The following KCNH1 variants were observed in gnomAD, a reference collection of about 807,000 sequenced individuals.
KCNH1 encodes voltage-gated delayed rectifier potassium channel KCNH1.
A neutral mutation model predicts 69.2 loss-of-function variants in KCNH1; 27 were observed. The ratio of observed to expected loss-of-function variants is 0.39; its 90% confidence interval spans 0.29 to 0.54. The LOEUF is 0.54. Ranked by LOEUF, KCNH1 falls within the 20% of genes least tolerant of loss-of-function variation. The pLI, the probability that KCNH1 is intolerant of heterozygous loss-of-function variation, is 0.68. For synonymous variants in KCNH1, 456 were observed against 487.7 expected (o/e 0.93, Z 0.86); for missense variants, 798 against 1,261.6 (o/e 0.63, Z 5.57).
At chr1:211,090,415 A>C in intron 4 of KCNH1, 147 bp downstream of exon 4, 1 of 639,292 alleles carries the variant, frequency 1.6e-6, no homozygotes, top group South Asian at 2.7e-5. Flanking sequence ...ACTCCAGAAT[A>C]ACACAGTGCT....
intron 7 of KCNH1, among the ~76,000 whole-genome samples, chr1:210,850,741 T>C (rs988433662): frequency 6.6e-6 from 1 of 152,166 alleles, no homozygotes; most frequent in Non-Finnish European, 1.5e-5. Context: ...ACAATGCCAC[T>C]CTAACATCAT....
At position 210,934,657 on chromosome 1, in the gene KCNH1, G is replaced by A. The variant is rs563160677; in HGVS notation, c.1033-14588C>T. Among the ~76,000 whole-genome samples, 6 of 151,922 alleles carry A rather than the reference G, an allele frequency of 3.9e-5. No individual in the cohort carries two copies. In the South Asian group the frequency reaches 1.2e-3, roughly 32 times the overall value. ...CCGTCTCAAAAAAAAAAAATTGGCA[G>A]ATGATCTGAAAGGTATATGAAAAAA... On this transcript the variant is annotated intron_variant, in intron 6 of 10. Coordinates refer to ENST00000271751, the MANE Select transcript of KCNH1 (RefSeq NM_172362.3).
intron 10 of KCNH1, among the ~76,000 whole-genome samples, chr1:210,729,917 C>A (rs1574216899): frequency 6.6e-6 from 1 of 152,234 alleles, no homozygotes. Flanking sequence ...TATCAATATC[C>A]ATTGTCTTTT....
chr1:211,041,656 A>G (rs1689997482), intron 5 of KCNH1, among the ~76,000 whole-genome samples: 1 of 151,910 alleles, frequency 6.6e-6, no homozygotes, highest in African/African-American at 2.4e-5. Context: ...GACTTCAAAT[A>G]AGATCTACAT....
At chr1:211,013,825 T>C (rs924373022) in intron 6 of KCNH1, among the ~76,000 whole-genome samples, 2 of 134,694 alleles carry the variant, frequency 1.5e-5, no homozygotes, top group African/African-American at 5.5e-5. Flanking sequence ...GGGTAACAAA[T>C]TGCCGTCCTC....
chr1:211,023,480 A>AG (rs1689627805), intron 5 of KCNH1, among the ~76,000 whole-genome samples: 1 of 151,252 alleles, frequency 6.6e-6, no homozygotes, highest in Non-Finnish European at 1.5e-5. Context: ...CCATAAAAAA[A>AG]GAATGAAATC....
At chr1:210,805,021 A>C (rs997188752) in intron 7 of KCNH1, among the ~76,000 whole-genome samples, 1 of 152,202 alleles carries the variant, frequency 6.6e-6, no homozygotes, top group Non-Finnish European at 1.5e-5. Context: ...TGCTGAGCTC[A>C]AGAGCCACTG....
chr1:210,867,004 C>T (rs186616041), intron 7 of KCNH1, among the ~76,000 whole-genome samples: 1 of 151,834 alleles, frequency 6.6e-6, no homozygotes, highest in African/African-American at 2.4e-5. Context: ...GTGAAATAAG[C>T]CAGTCACAAA....
At position 210,682,187 on chromosome 1, in the gene KCNH1, A is replaced by C. The variant is rs1574176275; in HGVS notation, c.*1094T>G. Reference sequence around the variant, plus strand: ...AATCCTACTGACTTTAATAGGAAATAGAGAGACTGGCTTTAAAATAAGGCC... The same window carrying C: ...AATCCTACTGACTTTAATAGGAAATCGAGAGACTGGCTTTAAAATAAGGCC... On this transcript the variant is annotated 3_prime_UTR_variant, in exon 11 of 11. Transcript: ENST00000271751. 6.6e-6 allele frequency: 1 copy of C among 152,182 alleles called. No homozygotes were observed. Among genetic ancestry groups the C allele is most frequent in the East Asian group, 1.9e-4 (1 of 5,198 alleles). The allele number at this position is 152,182 out of a possible 1,614,324, so 9.4% of individuals were successfully genotyped here.
In KCNH1 at chr1:211,026,100, C is replaced by G. The variant is rs144829829; in HGVS notation, c.559-6844G>C. Among the ~76,000 whole-genome samples the G allele has an allele frequency of 2.9e-3, 436 of 152,182 alleles. 1 individual carries two copies. The highest frequency in any genetic ancestry group is 0.01 in the Middle Eastern group (3 of 294). ...CGACCTGGTATTGGGTCTGATCACCCCAACAAGAATACAGCAAATAAATGA... is the reference window on the plus strand; with the variant it reads ...CGACCTGGTATTGGGTCTGATCACCGCAACAAGAATACAGCAAATAAATGA... On this transcript the variant is annotated intron_variant, in intron 5 of 10. Coordinates refer to ENST00000271751, the MANE Select transcript of KCNH1 (RefSeq NM_172362.3).
intron 7 of KCNH1, among the ~76,000 whole-genome samples, chr1:210,878,680 G>A (rs1006207634): frequency 6.6e-6 from 1 of 151,864 alleles, no homozygotes; most frequent in African/African-American, 2.4e-5. Flanking sequence ...TATTAGAAAA[G>A]AAGAAAGATC....
chr1:210,872,951 C>T (rs1415159138), intron 7 of KCNH1, among the ~76,000 whole-genome samples: 2 of 152,166 alleles, frequency 1.3e-5, no homozygotes, highest in Non-Finnish European at 2.9e-5. Context: ...ATCCTCAATA[C>T]TTTAATTTTC....
intron 10 of KCNH1, among the ~76,000 whole-genome samples, chr1:210,738,139 C>T (rs1299127693): frequency 6.6e-6 from 1 of 151,906 alleles, no homozygotes; most frequent in Non-Finnish European, 1.5e-5. Context: ...TCTTTGCTTC[C>T]CCTCAGACAC....
rs955357701 is a variant in KCNH1, at chr1:210,789,297, TTCTCCAA to T, written c.1915+8204_1915+8210del. ...GAAGCATCTCTGTGAAGGATTTAGC[TTCTCCAA>T]ACCTCTAAAATAATGAGGGTTTATA... On this transcript the variant is annotated intron_variant, in intron 9 of 10. Coordinates refer to ENST00000271751, the MANE Select transcript of KCNH1 (RefSeq NM_172362.3). Among the ~76,000 whole-genome samples, 99 of 152,220 alleles carry T rather than the reference TTCTCCAA, an allele frequency of 6.5e-4. 1 individual carries two copies. The highest frequency in any genetic ancestry group is 2.6e-4 in the Non-Finnish European group (18 of 68,032).
At chr1:210,841,329 A>G (rs6540630) in intron 7 of KCNH1, among the ~76,000 whole-genome samples, 127,721 of 152,146 alleles carry the variant, frequency 0.84, 53,807 homozygotes, top group African/African-American at 0.88. Flanking sequence ...AGATCCAGTG[A>G]ACTGTAAGCT....
chr1:211,123,671 G>A (rs1227637599), intron 1 of KCNH1, among the ~76,000 whole-genome samples: 2 of 152,076 alleles, frequency 1.3e-5, no homozygotes, highest in African/African-American at 4.8e-5. Flanking sequence ...AGAGAGCGAG[G>A]GAATGAAGGG....
At chr1:211,093,026 A>C (rs1207953536) in intron 3 of KCNH1, among the ~76,000 whole-genome samples, 1 of 152,160 alleles carries the variant, frequency 6.6e-6, no homozygotes, top group Non-Finnish European at 1.5e-5. Flanking sequence ...ATCAATTAGT[A>C]ATAAATCAGA....
At chr1:210,924,585 G>T (rs978603783) in intron 6 of KCNH1, among the ~76,000 whole-genome samples, 63 of 152,208 alleles carry the variant, frequency 4.1e-4, no homozygotes, top group African/African-American at 1.4e-3. Flanking sequence ...AAATAAAAAA[G>T]AATACTCCAA....
chr1:210,984,425 CTTA>C (rs1688785993), intron 6 of KCNH1, among the ~76,000 whole-genome samples: 1 of 152,068 alleles, frequency 6.6e-6, no homozygotes, highest in Non-Finnish European at 1.5e-5. Context: ...ATAGATAGCT[CTTA>C]TTATTTTGAG....
Sources: allele counts gnomAD v4.1 joint callset (sites outside exome capture counted in the v4.1 genomes callset), GRCh38; gene constraint gnomAD v4.1.1; transcripts MANE v1.5; gene names NCBI Gene and HGNC (gene_info 2026-07-23, HGNC 2026-07-21).